The following PBRM1 variants were observed in gnomAD, a reference collection of about 807,000 sequenced individuals.
PBRM1 encodes the protein polybromo 1.
Under a neutral mutation model 194.5 loss-of-function variants are expected in PBRM1, and 27 were observed. The observed-to-expected ratio is 0.14, with a 90% CI of 0.10 to 0.19. The LOEUF is 0.19. PBRM1 is among the 10% of genes least tolerant of loss of function. The probability of loss-of-function intolerance (pLI) is 1.00; values close to 1 mark genes in which losing one functional copy is unlikely to be tolerated. For missense variants in PBRM1, 1,466 were observed against 2,077.2 expected, an observed-to-expected ratio of 0.71 and a Z score of 5.72; for synonymous variants, 655 against 693.2, an observed-to-expected ratio of 0.94 and a Z score of 0.87.
chr3:52,581,628 C>A (rs183816769), intron 20 of PBRM1, among the ~76,000 whole-genome samples: 22 of 151,010 alleles, frequency 1.5e-4, no homozygotes, highest in African/African-American at 5.3e-4. Context: ...GGAATGGGTT[C>A]TATTCTAAAG....
intron 20 of PBRM1, chr3:52,585,798 T>C (rs2092287546): frequency 6.6e-6 from 1 of 152,320 alleles, no homozygotes; most frequent in Admixed American, 6.5e-5. Context: ...GTGCTGGGAT[T>C]ACAGGTGTGA....
chr3:52,638,980 T>C (rs1264236567), intron 10 of PBRM1, among the ~76,000 whole-genome samples: 1 of 94,184 alleles, frequency 1.1e-5, no homozygotes, highest in Admixed American at 1.3e-4. Context: ...TATTCACATT[T>C]TTTTTTGGGG....
chr3:52,632,818 C>T (rs1046158772), intron 11 of PBRM1, among the ~76,000 whole-genome samples: 1 of 151,906 alleles, frequency 6.6e-6, no homozygotes, highest in African/African-American at 2.4e-5. Context: ...CTCAGCCGCC[C>T]GAGTAGCTAG....
intron 6 of PBRM1, 28 bp downstream of exon 7, chr3:52,651,714 A>G (rs780696956): frequency 7.1e-7 from 1 of 1,398,784 alleles, no homozygotes; most frequent in Non-Finnish European, 1.0e-6. Context: ...TCTAAACCAC[A>G]ATCATTTACT....
intron 11 of PBRM1, 64 bp downstream of exon 12, chr3:52,634,538 C>A: frequency 7.2e-6 from 7 of 975,378 alleles, no homozygotes; most frequent in African/African-American, 1.7e-5. Flanking sequence ...GGAAGAAATA[C>A]ATTATGTGCA....
At chr3:52,592,378 C>T (rs1324090606) in intron 17 of PBRM1, among the ~76,000 whole-genome samples, 2 of 152,044 alleles carry the variant, frequency 1.3e-5, no homozygotes, top group African/African-American at 2.4e-5. Flanking sequence ...GTGATCCACC[C>T]ACCTTGGCCT....
chr3:52,563,271 T>C lies in PBRM1; in HGVS notation c.4086+12A>G, dbSNP rs1375871490. On this transcript the variant is annotated intron_variant, in intron 24 of 29. Coordinates refer to ENST00000296302, the Ensembl canonical transcript of PBRM1. ...GGTAATAAGATAAGTAACAGGAACCTGTCACCTTCACCTGTGGGGGTGTGT... is the reference window on the plus strand; with the variant it reads ...GGTAATAAGATAAGTAACAGGAACCCGTCACCTTCACCTGTGGGGGTGTGT... The C allele has an allele frequency of 6.2e-7, 1 of 1,602,996 alleles. No homozygotes were observed. The highest frequency in any genetic ancestry group is 8.5e-7 in the Non-Finnish European group (1 of 1,171,474).
chr3:52,550,769 C>T (rs1237019614), exon 28 of PBRM1: 1 of 1,612,538 alleles, frequency 6.2e-7, no homozygotes, highest in East Asian at 2.2e-5. Flanking sequence ...TGGACTTCCA[C>T]CTGGTGCTGG....
At chr3:52,623,519 T>G (rs1560467710) in intron 13 of PBRM1, among the ~76,000 whole-genome samples, 1 of 152,226 alleles carries the variant, frequency 6.6e-6, no homozygotes. Flanking sequence ...TCTTTTCCAA[T>G]GAGTCTTCCC....
exon 19 of PBRM1, chr3:52,587,454 C>T (rs1234499336): frequency 6.2e-7 from 1 of 1,612,046 alleles, no homozygotes; most frequent in Non-Finnish European, 8.5e-7. Context: ...TTTCGTGTAG[C>T]CAGGTGGAAT....
intron 15 of PBRM1, among the ~76,000 whole-genome samples, chr3:52,614,718 G>A (rs2094859944): frequency 6.6e-6 from 1 of 151,884 alleles, no homozygotes; most frequent in African/African-American, 2.4e-5. Flanking sequence ...TTACAGGCAT[G>A]TACCCCCATG....
At chr3:52,580,691 G>C (rs189947923) in intron 20 of PBRM1, among the ~76,000 whole-genome samples, 86 of 152,276 alleles carry the variant, frequency 5.6e-4, no homozygotes, top group African/African-American at 1.9e-3. Flanking sequence ...ATAAATTACA[G>C]CATCTGTCAC....
At chr3:52,672,491 C>CTTTTTTTTTTTTTTTTTTTTTTTTTGT (rs34792299) in intron 2 of PBRM1, among the ~76,000 whole-genome samples, 1 of 103,860 alleles carries the variant, frequency 9.6e-6, no homozygotes, top group Non-Finnish European at 1.9e-5. Flanking sequence ...TTTTTTTTGG[C>CTTTTTTTTTTTTTTTTTTTTTTTTTGT]TTTTTTTTTT....
chr3:52,680,987 C>T (rs1254521561), upstream of PBRM1, among the ~76,000 whole-genome samples: 3 of 151,910 alleles, frequency 2.0e-5, 1 homozygote, highest in Non-Finnish European at 2.9e-5. Context: ...GATCCTTCAG[C>T]CCCTGAGGTA....
chr3:52,583,765 G>GA lies in PBRM1; in HGVS notation c.3387+2659dup, dbSNP rs537723913. Among the ~76,000 whole-genome samples the GA allele has an allele frequency of 7.9e-5, 12 of 151,544 alleles. No homozygotes were observed. The South Asian group carries it at 1.7e-3, about 21-fold the overall frequency. On this transcript the variant is annotated intron_variant, in intron 20 of 29. Coordinates refer to ENST00000296302, the Ensembl canonical transcript of PBRM1. ...CCTCGTCTATTCCAAGTTTATTATT[G>GA]AAAAAAAATTATAGGTAAATTACTG...
intron 22 of PBRM1, among the ~76,000 whole-genome samples, chr3:52,568,966 C>A (rs1410361025): frequency 6.6e-6 from 1 of 152,150 alleles, no homozygotes; most frequent in African/African-American, 2.4e-5. Context: ...CTGCTCACTG[C>A]AGCCTCAACC....
In PBRM1 at chr3:52,609,580, T is replaced by C. The variant is rs1560329503; in HGVS notation, c.2300A>G (p.Glu767Gly). ...AGTCACATTTGGGACATGAGAGTCCTCATCTCCCTCCAGGTCTCTGCGTGT... is the reference window on the plus strand; with the variant it reads ...AGTCACATTTGGGACATGAGAGTCCCCATCTCCCTCCAGGTCTCTGCGTGT... The change falls in exon 16 of 30, where the codon GAG becomes GGG. Residue 767 changes from glutamate to glycine, a missense_variant. By Grantham distance (98) the Glu-to-Gly change is moderately conservative. This residue lies in a region of PBRM1 where 687 missense variants were observed against 946.2 expected (regional missense o/e 0.73). Coordinates refer to ENST00000296302, the Ensembl canonical transcript of PBRM1. The surrounding 1 kb of genome is among the most constrained non-coding windows in gnomAD (Gnocchi z 4.1). 2 of 1,613,438 alleles carry C rather than the reference T, an allele frequency of 1.2e-6. No individual in the cohort carries two copies. Among genetic ancestry groups the C allele is most frequent in the Admixed American group, 1.7e-5 (1 of 59,930 alleles).
intron 23 of PBRM1, 138 bp downstream of exon 25, chr3:52,563,912 A>C (rs1300861548): frequency 4.8e-6 from 3 of 620,226 alleles, no homozygotes. Context: ...TTTAATCTTT[A>C]AGTGAATAAA....
chr3:52,570,130 C>T (rs1344033462), intron 22 of PBRM1, among the ~76,000 whole-genome samples: 1 of 152,198 alleles, frequency 6.6e-6, no homozygotes, highest in Non-Finnish European at 1.5e-5. Context: ...CACCACCACG[C>T]CCACATCAGC....
Sources: gnomAD v4.1 joint callset for allele counts (sites outside exome capture counted in the v4.1 genomes callset) on GRCh38, gnomAD v4.1.1 for gene constraint, gnomAD v4.1.1 regional missense constraint, Gnocchi (gnomAD v3.1) non-coding constraint, MANE v1.5 for transcripts, NCBI Gene and HGNC (gene_info 2026-07-23, HGNC 2026-07-21) for gene names.